Variants in FAM162A observed in about 807,000 individuals in gnomAD.
FAM162A encodes family with sequence similarity 162 member A, also known as protein FAM162A.
FAM162A carries 23 observed loss-of-function variants against 21.8 expected under a neutral mutation model. The ratio of observed to expected loss-of-function variants is 1.05; its 90% CI spans 0.76 to 1.49. The LOEUF is 1.49. FAM162A is among the 40% of genes most tolerant of loss of function. The pLI, the probability that FAM162A is intolerant of heterozygous loss-of-function variation, is 0.00. For synonymous variants in FAM162A, 53 were observed against 61.3 expected, an observed-to-expected ratio of 0.86 and a Z score of 0.64; for missense variants, 165 against 186.4, an observed-to-expected ratio of 0.89 and a Z score of 0.67.
At position 122,410,175 on chromosome 3, in the gene FAM162A, TAAGG is replaced by T. The variant is rs60461408; in HGVS notation, c.*349_*352del. 0.02 allele frequency: 7,251 copies of T among 355,478 alleles called. 485 individuals carry two copies. Among genetic ancestry groups the T allele is most frequent in the African/African-American group, 0.14 (6,478 of 46,782 alleles). 22.0% of individuals were successfully genotyped at this position (355,478 alleles called of 1,614,324 possible). A position where few individuals can be genotyped will look rare whatever the true frequency, so the allele number is the denominator to read the frequency against. ...CACAGGCGAACTCATTTTGAGGAGA[TAAGG>T]AAGGCCAGTTGAGTATATGGCCCAG... is the stretch of plus-strand genomic sequence containing the variant. On this transcript the variant is annotated 3_prime_UTR_variant, in exon 5 of 5. Transcript: ENST00000477892.
chr3:122,408,841 TAG>T lies in FAM162A; in HGVS notation c.373-893_373-892del, dbSNP rs533686165. 9.8e-5 allele frequency among the ~76,000 whole-genome samples: 15 copies of T among 152,342 alleles called. No homozygotes were observed. The South Asian group carries it at 2.9e-3, about 29-fold the overall frequency. On this transcript the variant is annotated intron_variant, in intron 4 of 4. Coordinates refer to ENST00000477892, the MANE Select transcript of FAM162A (RefSeq NM_014367.4). Reference sequence around the variant, plus strand: ...ATCCAGGGGTATATGCTGTGTATTTTAGAGAGTTCTTCTCCTGTTCTTTACCA... The same window carrying T: ...ATCCAGGGGTATATGCTGTGTATTTTAGAGTTCTTCTCCTGTTCTTTACCA...
chr3:122,384,308 C>A lies in FAM162A; in HGVS notation c.34+9C>A. The A allele has an allele frequency of 1.3e-6, 2 of 1,574,170 alleles. No individual in the cohort carries two copies. Among genetic ancestry groups the A allele is most frequent in the Non-Finnish European group, 1.7e-6 (2 of 1,160,060 alleles). Reference sequence around the variant, plus strand: ...TCTGCGCCTGGCAGCAGGTGAGACGCCGGTCGGGATATGGGAGGTAGGGGA... The same window carrying A: ...TCTGCGCCTGGCAGCAGGTGAGACGACGGTCGGGATATGGGAGGTAGGGGA... On this transcript the variant is annotated intron_variant, in intron 1 of 4. Coordinates refer to ENST00000477892, the MANE Select transcript of FAM162A (RefSeq NM_014367.4).
chr3:122,409,768 C>T lies in FAM162A; in HGVS notation c.402C>T (p.Ser134=). ...KAAQRHETLT[S]LNLEKKARLK... ...CCCAAAGACACGAGACTTTAACAAG[C>T]TTGAACTTAGAAAAGAAAGCTCGTC... is the stretch of plus-strand genomic sequence containing the variant. Residue 134 remains serine, a synonymous_variant, in exon 5 of 5, where the codon AGC becomes AGT. Coordinates refer to ENST00000477892, the MANE Select transcript of FAM162A (RefSeq NM_014367.4). The T allele has an allele frequency of 6.2e-7, 1 of 1,614,054 alleles. No individual in the cohort carries two copies. Among genetic ancestry groups the T allele is most frequent in the Non-Finnish European group, 8.5e-7 (1 of 1,179,960 alleles).
At chr3:122,402,947 A>C in intron 2 of FAM162A, 65 bp downstream of exon 2, 1 of 1,499,576 alleles carries the variant, frequency 6.7e-7, no homozygotes, top group Non-Finnish European at 8.9e-7. Flanking sequence ...ACTTGGAATC[A>C]AAAGAACCCA....
chr3:122,388,782 G>A (rs1040442608), intron 1 of FAM162A, among the ~76,000 whole-genome samples: 16 of 152,196 alleles, frequency 1.1e-4, no homozygotes, highest in African/African-American at 3.9e-4. Context: ...GGGCACGGTG[G>A]CTCAAGCTTG....
intron 1 of FAM162A, among the ~76,000 whole-genome samples, chr3:122,395,032 A>G (rs1367840852): frequency 1.3e-5 from 2 of 152,242 alleles, no homozygotes; most frequent in Admixed American, 1.3e-4. Flanking sequence ...TAACCACATC[A>G]GTAAACACAG....
chr3:122,403,193 C>G (rs2075660820), intron 2 of FAM162A, among the ~76,000 whole-genome samples: 1 of 150,812 alleles, frequency 6.6e-6, no homozygotes, highest in Non-Finnish European at 1.5e-5. Context: ...CCATGTTTTA[C>G]TCATATGCAG....
chr3:122,403,108 A>T (rs956699850), intron 2 of FAM162A, among the ~76,000 whole-genome samples: 1 of 152,158 alleles, frequency 6.6e-6, no homozygotes, highest in Non-Finnish European at 1.5e-5. Context: ...TTTTACTCAT[A>T]TGCAGGCCCA....
chr3:122,406,470 C>G (rs941228854), intron 3 of FAM162A, among the ~76,000 whole-genome samples: 14 of 152,210 alleles, frequency 9.2e-5, no homozygotes, highest in African/African-American at 3.4e-4. Context: ...GGCCTTTAGA[C>G]TCTTCTATAT....
intron 1 of FAM162A, among the ~76,000 whole-genome samples, chr3:122,389,436 T>C (rs538289140): frequency 6.8e-6 from 1 of 148,008 alleles, no homozygotes; most frequent in East Asian, 2.0e-4. Flanking sequence ...GATAGATAGA[T>C]GAGATAGATA....
rs897411152 is a variant in FAM162A, at chr3:122,411,165, A to G, written c.*1334A>G. ...CCAACATGCTGGTTCTCAGAGAGTT[A>G]TAAGAGAGATTAAAAATACATGCAG... is the stretch of plus-strand genomic sequence containing the variant. On this transcript the variant is annotated 3_prime_UTR_variant, in exon 5 of 5. Transcript: ENST00000477892. 4 of 152,198 alleles carry G rather than the reference A, an allele frequency of 2.6e-5. No homozygotes were observed. The highest frequency in any genetic ancestry group is 9.7e-5 in the African/African-American group (4 of 41,446). The allele number at this position is 152,198 out of a possible 1,614,324, so 9.4% of individuals were successfully genotyped here. A position where few individuals can be genotyped will look rare whatever the true frequency, so the allele number is the denominator to read the frequency against.
intron 1 of FAM162A, among the ~76,000 whole-genome samples, chr3:122,400,864 T>C (rs1456121962): frequency 6.6e-6 from 1 of 152,102 alleles, no homozygotes; most frequent in East Asian, 1.9e-4. Flanking sequence ...ATCGTTACTA[T>C]ATAGAGATGT....
In FAM162A at chr3:122,411,574, TGA is replaced by T. The variant is rs2075705175; in HGVS notation, c.*1746_*1747del. 2 of 149,468 alleles carry T rather than the reference TGA, an allele frequency of 1.3e-5. No homozygotes were observed. The highest frequency in any genetic ancestry group is 4.9e-5 in the African/African-American group (2 of 40,884). 9.3% of individuals were successfully genotyped at this position (149,468 alleles called of 1,614,324 possible). On this transcript the variant is annotated 3_prime_UTR_variant, in exon 5 of 5. Transcript: ENST00000477892. ...TTTAATGAAACCTTTTTTTTTTTTT[TGA>T]GACAGTCTTGCACTGTCGCCCAGGC...
At chr3:122,387,433 G>A (rs2075579960) in intron 1 of FAM162A, among the ~76,000 whole-genome samples, 1 of 152,154 alleles carries the variant, frequency 6.6e-6, no homozygotes, top group African/African-American at 2.4e-5. Context: ...TATCTTAGAA[G>A]TCAGGTAATT....
chr3:122,385,246 C>G (rs1383004650), intron 1 of FAM162A, among the ~76,000 whole-genome samples: 2 of 152,072 alleles, frequency 1.3e-5, no homozygotes, highest in African/African-American at 2.4e-5. Context: ...CCTTCCCCAC[C>G]TCAAGATTAT....
At chr3:122,406,996 C>CG (rs2075678895) in intron 3 of FAM162A, among the ~76,000 whole-genome samples, 1 of 96,018 alleles carries the variant, frequency 1.0e-5, no homozygotes, top group African/African-American at 3.6e-5. Context: ...ATGCCTTGCC[C>CG]ATTTTTTTTT....
At chr3:122,384,587 C>T (rs531913597) in intron 1 of FAM162A, among the ~76,000 whole-genome samples, 1 of 152,000 alleles carries the variant, frequency 6.6e-6, no homozygotes, top group South Asian at 2.1e-4. Context: ...TCAGCCTCCC[C>T]TGAGCTCAGT....
chr3:122,384,320 T>C (rs760608543), intron 1 of FAM162A, 21 bp downstream of exon 1: 5 of 1,569,754 alleles, frequency 3.2e-6, no homozygotes, highest in South Asian at 2.3e-5. Context: ...GGTCGGGATA[T>C]GGGAGGTAGG....
chr3:122,408,391 A>AAGTG (rs2107701838), intron 4 of FAM162A, among the ~76,000 whole-genome samples: 1 of 152,320 alleles, frequency 6.6e-6, no homozygotes, highest in Admixed American at 6.5e-5. Context: ...TCCATGTGGA[A>AAGTG]AGTGATGTCT....
Sources: gnomAD v4.1 joint callset for allele counts (sites outside exome capture counted in the v4.1 genomes callset) on GRCh38, gnomAD v4.1.1 for gene constraint, MANE v1.5 for transcripts, NCBI Gene and HGNC (gene_info 2026-07-23, HGNC 2026-07-21) for gene names.